The following DUSP18 variants were observed in gnomAD, a reference collection of about 807,000 sequenced individuals.
DUSP18 encodes dual specificity phosphatase 18, also known as dual specificity protein phosphatase 18.
Under a neutral mutation model 6.3 loss-of-function variants are expected in DUSP18, and 4 were observed. The observed-to-expected ratio is 0.63, with a 90% CI of 0.31 to 1.45. The LOEUF is 1.45. Among genes scored for constraint, DUSP18 ranks in the 40% most tolerant of loss-of-function variants. The pLI is 0.07. For missense variants in DUSP18, 235 were observed against 247.7 expected, an observed-to-expected ratio of 0.95 and a Z score of 0.34; for synonymous variants, 96 against 95.1, an observed-to-expected ratio of 1.01 and a Z score of -0.05.
At chr22:30,667,301 G>A (rs1383674777) in intron 1 of DUSP18, 161 bp downstream of exon 1, 2 of 152,186 alleles carry the variant, frequency 1.3e-5, no homozygotes, top group East Asian at 3.8e-4. Flanking sequence ...CAAACACCGC[G>A]GGGCGTTCGT....
chr22:30,654,574 G>A, intron 2 of DUSP18: 1 of 457,362 alleles, frequency 2.2e-6, no homozygotes, highest in Non-Finnish European at 4.4e-6. Flanking sequence ...GCCAGAAGAT[G>A]CGGCTGGGGA....
downstream of DUSP18, among the ~76,000 whole-genome samples, chr22:30,660,841 ATTTT>A (rs201034099): frequency 3.9e-4 from 57 of 144,328 alleles, no homozygotes; most frequent in African/African-American, 1.3e-3. Flanking sequence ...GCATAGAACA[ATTTT>A]TTTTTTTTTT....
At chr22:30,654,703 A>T (rs952573966) in intron 2 of DUSP18, 32 of 398,348 alleles carry the variant, frequency 8.0e-5, no homozygotes, top group African/African-American at 6.6e-4. Context: ...AGAAATACTG[A>T]TGCCCCCGCA....
At chr22:30,658,805 G>A (rs1483361629), downstream of DUSP18, among the ~76,000 whole-genome samples, 1 of 152,098 alleles carries the variant, frequency 6.6e-6, no homozygotes, top group African/African-American at 2.4e-5. Flanking sequence ...CTCACTGGGG[G>A]GCATAAGCTT....
At chr22:30,665,820 TGATA>T (rs1307753384) in intron 1 of DUSP18, among the ~76,000 whole-genome samples, 1 of 152,056 alleles carries the variant, frequency 6.6e-6, no homozygotes, top group East Asian at 1.9e-4. Flanking sequence ...AGTAGGTGCT[TGATA>T]AATATTTGTT....
At chr22:30,660,487 A>T (rs998646633), downstream of DUSP18, among the ~76,000 whole-genome samples, 2 of 152,150 alleles carry the variant, frequency 1.3e-5, no homozygotes, top group Non-Finnish European at 2.9e-5. Context: ...AAAATTTTTT[A>T]AAAAATGAAT....
intron 2 of DUSP18, among the ~76,000 whole-genome samples, chr22:30,655,294 GA>G (rs35848603): frequency 0.021 from 2,769 of 133,022 alleles, 86 homozygotes; most frequent in East Asian, 0.16. Context: ...TGTCTCTACG[GA>G]AAAAAAAAAA....
intron 1 of DUSP18, among the ~76,000 whole-genome samples, chr22:30,666,519 G>T (rs922947893): frequency 6.6e-6 from 1 of 150,630 alleles, no homozygotes; most frequent in Non-Finnish European, 1.5e-5. Context: ...CTACTCAGGA[G>T]GCTGAGACGG....
At chr22:30,660,449 A>G (rs1258191387), downstream of DUSP18, among the ~76,000 whole-genome samples, 1 of 152,172 alleles carries the variant, frequency 6.6e-6, no homozygotes, top group Non-Finnish European at 1.5e-5. Flanking sequence ...CTGGGACTAC[A>G]GGTGCATGCC....
At chr22:30,657,804 T>TGAGGCAGGA (rs2088372229), downstream of DUSP18, among the ~76,000 whole-genome samples, 1 of 151,268 alleles carries the variant, frequency 6.6e-6, no homozygotes, top group Non-Finnish European at 1.5e-5. Context: ...CTCGGGAGGC[T>TGAGGCAGGA]GAGGCAGGAG....
At chr22:30,654,279 C>T (rs549007988) in intron 2 of DUSP18, 18 of 442,302 alleles carry the variant, frequency 4.1e-5, no homozygotes, top group Middle Eastern at 7.2e-4. Flanking sequence ...CCACCGCGCC[C>T]GGCCATCCCA....
At chr22:30,655,623 A>G (rs1481411804) in intron 2 of DUSP18, among the ~76,000 whole-genome samples, 4 of 152,096 alleles carry the variant, frequency 2.6e-5, no homozygotes, top group African/African-American at 4.8e-5. Context: ...AACTAGCTAG[A>G]AGGAGCCTCA....
At position 30,661,647 on chromosome 22, in the gene DUSP18, G is replaced by A. The variant is rs2088472922; in HGVS notation, c.*1790C>T. 6.6e-6 allele frequency: 1 copy of A among 152,130 alleles called. No homozygotes were observed. The highest frequency in any genetic ancestry group is 2.4e-5 in the African/African-American group (1 of 41,420). The allele number at this position is 152,130 out of a possible 1,614,324, so 9.4% of individuals were successfully genotyped here. On this transcript the variant is annotated 3_prime_UTR_variant, in exon 2 of 2. Coordinates refer to ENST00000334679, the MANE Select transcript of DUSP18 (RefSeq NM_152511.5). ...GCTTCTACTGGAATCTGGAGCCACA[G>A]TTTGGTGTCAAACAGAGCAGCTGTG...
chr22:30,654,406 G>A, intron 2 of DUSP18: 1 of 454,676 alleles, frequency 2.2e-6, no homozygotes. Context: ...CCCCAGGTAG[G>A]CAAACTTTCT....
At chr22:30,653,921 C>A in intron 2 of DUSP18, 2 of 170,094 alleles carry the variant, frequency 1.2e-5, no homozygotes, top group South Asian at 3.0e-4. Flanking sequence ...CAGTATTTGT[C>A]AGTTTCCTTC....
At chr22:30,653,289 C>T (rs1182437271) in intron 2 of DUSP18, among the ~76,000 whole-genome samples, 1 of 152,116 alleles carries the variant, frequency 6.6e-6, no homozygotes, top group Non-Finnish European at 1.5e-5. Context: ...ACCCTGTTCT[C>T]TATGCCTGCT....
downstream of DUSP18, among the ~76,000 whole-genome samples, chr22:30,656,942 C>T (rs1341152987): frequency 6.6e-6 from 1 of 151,708 alleles, no homozygotes; most frequent in Non-Finnish European, 1.5e-5. Flanking sequence ...TAGTGAAACC[C>T]CATCTCTATT....
chr22:30,659,560 C>CG (rs1238668538), downstream of DUSP18, among the ~76,000 whole-genome samples: 2 of 151,944 alleles, frequency 1.3e-5, no homozygotes, highest in African/African-American at 4.8e-5. Context: ...TTTTTAGAGA[C>CG]GGGGTTTCAA....
At chr22:30,666,052 G>C (rs1446801443) in intron 1 of DUSP18, among the ~76,000 whole-genome samples, 1 of 152,174 alleles carries the variant, frequency 6.6e-6, no homozygotes, top group Non-Finnish European at 1.5e-5. Context: ...TTCCCGGAAG[G>C]ACAGAGAGGG....
Sources: gnomAD v4.1 joint callset for allele counts (sites outside exome capture counted in the v4.1 genomes callset) on GRCh38, gnomAD v4.1.1 for gene constraint, MANE v1.5 for transcripts, NCBI Gene and HGNC (gene_info 2026-07-23, HGNC 2026-07-21) for gene names.